Variants in ATRNL1 observed in about 807,000 individuals in gnomAD.
The protein encoded by ATRNL1 is attractin like 1.
Under a neutral mutation model 182.7 loss-of-function variants are expected in ATRNL1, and 95 were observed. The observed-to-expected ratio is 0.52, with a 90% CI of 0.44 to 0.62. The LOEUF is 0.62. Among genes scored for constraint, ATRNL1 ranks in the 20% least tolerant of loss-of-function variants. The pLI is 0.00. For synonymous variants in ATRNL1, 576 were observed against 568.3 expected, an observed-to-expected ratio of 1.01 and a Z score of -0.19; for missense variants, 1,471 against 1,679.5, an observed-to-expected ratio of 0.88 and a Z score of 2.17.
chr10:115,738,316 G>A (rs3207009), intron 27 of ATRNL1, among the ~76,000 whole-genome samples: 3 of 150,742 alleles, frequency 2.0e-5, no homozygotes, highest in Non-Finnish European at 4.4e-5. Flanking sequence ...ATTTTTATAT[G>A]TTTAGTAGAG....
At chr10:115,669,106 A>G (rs1555040625) in intron 26 of ATRNL1, among the ~76,000 whole-genome samples, 1 of 152,112 alleles carries the variant, frequency 6.6e-6, no homozygotes, top group Non-Finnish European at 1.5e-5. Context: ...TTTATAATTT[A>G]TTTTTGATTC....
intron 26 of ATRNL1, among the ~76,000 whole-genome samples, chr10:115,616,675 C>T (rs1555020896): frequency 6.6e-6 from 1 of 152,238 alleles, no homozygotes; most frequent in Non-Finnish European, 1.5e-5. Context: ...GTCACTCCAG[C>T]TCCAGCCAAG....
intron 26 of ATRNL1, among the ~76,000 whole-genome samples, chr10:115,594,489 C>A (rs1856106534): frequency 6.6e-6 from 1 of 151,904 alleles, no homozygotes; most frequent in Non-Finnish European, 1.5e-5. Context: ...GAAAATAATT[C>A]TTCACTAATA....
intron 5 of ATRNL1, among the ~76,000 whole-genome samples, chr10:115,152,904 A>T (rs571987181): frequency 6.6e-6 from 1 of 152,160 alleles, no homozygotes; most frequent in East Asian, 1.9e-4. Flanking sequence ...TACCGAATTT[A>T]TTGAGATTTT....
chr10:115,226,249 CAA>C (rs1849689470), intron 9 of ATRNL1, among the ~76,000 whole-genome samples: 1 of 151,784 alleles, frequency 6.6e-6, no homozygotes, highest in Admixed American at 6.6e-5. Context: ...TCATCATAAA[CAA>C]AGATCTGTTT....
At chr10:115,208,350 A>G (rs1228374722) in intron 8 of ATRNL1, among the ~76,000 whole-genome samples, 1 of 151,968 alleles carries the variant, frequency 6.6e-6, no homozygotes, top group African/African-American at 2.4e-5. Flanking sequence ...GTTATGAATT[A>G]TATTTCCTTT....
At chr10:115,687,607 T>C (rs1214340686) in intron 26 of ATRNL1, among the ~76,000 whole-genome samples, 6 of 152,134 alleles carry the variant, frequency 3.9e-5, no homozygotes, top group Admixed American at 3.9e-4. Context: ...CTTTGAGATA[T>C]TAATTTCATT....
chr10:115,702,042 T>C (rs781931348), intron 26 of ATRNL1, among the ~76,000 whole-genome samples: 38 of 152,088 alleles, frequency 2.5e-4, no homozygotes, highest in Non-Finnish European at 4.3e-4. Flanking sequence ...GCAAATTGAA[T>C]CCAGCAGCAC....
At chr10:115,425,058 T>C (rs868945013) in intron 20 of ATRNL1, among the ~76,000 whole-genome samples, 101 of 152,222 alleles carry the variant, frequency 6.6e-4, no homozygotes, top group African/African-American at 2.3e-3. Flanking sequence ...AATTTTATAA[T>C]TAATATACAG....
chr10:115,629,857 A>G (rs955306188), intron 26 of ATRNL1, among the ~76,000 whole-genome samples: 30 of 152,132 alleles, frequency 2.0e-4, no homozygotes, highest in African/African-American at 6.8e-4. Flanking sequence ...GAATACTTAA[A>G]TGGCTTCTCG....
chr10:115,323,895 A>G (rs1398847463), intron 18 of ATRNL1, among the ~76,000 whole-genome samples: 5 of 151,840 alleles, frequency 3.3e-5, no homozygotes, highest in African/African-American at 1.2e-4. Context: ...CTCCTGCCTC[A>G]GCCTCCCAAG....
At chr10:115,819,663 C>A (rs1950247140) in intron 27 of ATRNL1, among the ~76,000 whole-genome samples, 1 of 152,036 alleles carries the variant, frequency 6.6e-6, no homozygotes, top group South Asian at 2.1e-4. Flanking sequence ...ATCTCTGTCC[C>A]TCTCAGTAGC....
chr10:115,592,933 G>GTCTGTGTA (rs1555012810), intron 26 of ATRNL1, among the ~76,000 whole-genome samples: 4 of 151,414 alleles, frequency 2.6e-5, no homozygotes, highest in Non-Finnish European at 5.9e-5. Flanking sequence ...CTATCTGTCT[G>GTCTGTGTA]TCTGTCTATC....
At chr10:115,393,672 G>T (rs1844145464) in intron 19 of ATRNL1, among the ~76,000 whole-genome samples, 1 of 152,068 alleles carries the variant, frequency 6.6e-6, no homozygotes, top group South Asian at 2.1e-4. Context: ...AAAGATATCT[G>T]CTATGTGATT....
intron 28 of ATRNL1, among the ~76,000 whole-genome samples, chr10:115,878,096 T>C (rs1314860894): frequency 3.3e-5 from 5 of 152,212 alleles, no homozygotes; most frequent in Non-Finnish European, 7.3e-5. Context: ...CGCTCCTCTG[T>C]AGGGCTCTGC....
At chr10:115,478,065 T>C (rs1243326176) in intron 24 of ATRNL1, among the ~76,000 whole-genome samples, 2 of 151,668 alleles carry the variant, frequency 1.3e-5, no homozygotes, top group Non-Finnish European at 2.9e-5. Context: ...AGAGGAAGGT[T>C]TTTTGTTTGT....
rs940190061 is a variant in ATRNL1, at chr10:115,544,124, C to G, written c.3717-5334C>G. ...AGAAAGCAGTAGATACTTATTTTTT[C>G]TGTGACAAATTTGCCACAGTACCAA... On this transcript the variant is annotated intron_variant, in intron 25 of 28. Coordinates refer to ENST00000355044, the MANE Select transcript of ATRNL1 (RefSeq NM_207303.4). Among the ~76,000 whole-genome samples the G allele has an allele frequency of 2.6e-5, 4 of 152,062 alleles. No homozygotes were observed. In the South Asian group the frequency reaches 8.3e-4, roughly 32 times the overall value.
intron 27 of ATRNL1, among the ~76,000 whole-genome samples, chr10:115,786,175 A>T (rs1949392271): frequency 6.6e-6 from 1 of 152,062 alleles, no homozygotes; most frequent in African/African-American, 2.4e-5. Context: ...TTTTCCTATC[A>T]TATGCTTCAT....
intron 27 of ATRNL1, among the ~76,000 whole-genome samples, chr10:115,791,460 G>A (rs1034575999): frequency 1.3e-5 from 2 of 152,008 alleles, no homozygotes; most frequent in African/African-American, 4.8e-5. Flanking sequence ...CTGGGTGTTC[G>A]GAAAGGTAAC....
Sources: gnomAD v4.1 joint callset for allele counts (sites outside exome capture counted in the v4.1 genomes callset) on GRCh38, gnomAD v4.1.1 for gene constraint, MANE v1.5 for transcripts, NCBI Gene and HGNC (gene_info 2026-07-23, HGNC 2026-07-21) for gene names.